The following ZNF407 variants were observed in gnomAD, a reference collection of about 807,000 sequenced individuals.
The protein encoded by ZNF407 is zinc finger protein 407.
Under a neutral mutation model 131.2 loss-of-function variants are expected in ZNF407, and 17 were observed. The ratio of observed to expected loss-of-function variants is 0.13; its 90% CI spans 0.09 to 0.19. The LOEUF (loss-of-function observed/expected upper bound fraction) is 0.19. Among genes scored for constraint, ZNF407 ranks in the 10% least tolerant of loss-of-function variants. The pLI is 1.00. For synonymous variants in ZNF407, 1,156 were observed against 1,062.0 expected (o/e 1.09, Z -1.72); for missense variants, 2,681 against 2,830.6 (o/e 0.95, Z 1.20).
Position 74,678,669 on chromosome 18 carries a change from T to C in ZNF407, c.4802+37547T>C, listed in dbSNP as rs531970797. On this transcript the variant is annotated intron_variant, in intron 3 of 8. Transcript: ENST00000299687. ...TTTTAAATAGTTTCTTCAGTGTTTC[T>C]AGCTGTCCTCAGCACGAGGGTTGGT... is the stretch of plus-strand genomic sequence containing the variant. 3.3e-5 allele frequency among the ~76,000 whole-genome samples: 5 copies of C among 152,358 alleles called. No homozygotes were observed. The East Asian group carries it at 9.6e-4, about 29-fold the overall frequency.
At chr18:74,918,996 T>C (rs1315664740) in intron 7 of ZNF407, among the ~76,000 whole-genome samples, 2 of 152,164 alleles carry the variant, frequency 1.3e-5, no homozygotes, top group Non-Finnish European at 2.9e-5. Flanking sequence ...TGGATGCAGG[T>C]ACGAGAACTC....
intron 8 of ZNF407, among the ~76,000 whole-genome samples, chr18:74,922,950 T>G (rs1472616507): frequency 6.6e-6 from 1 of 152,216 alleles, no homozygotes; most frequent in Non-Finnish European, 1.5e-5. Context: ...GGGATAGTGA[T>G]GCCTACCACA....
chr18:74,758,988 T>G (rs1353022878), intron 3 of ZNF407, among the ~76,000 whole-genome samples: 1 of 152,240 alleles, frequency 6.6e-6, no homozygotes, highest in Non-Finnish European at 1.5e-5. Flanking sequence ...AATTTCCATT[T>G]AAAGAACTGC....
intron 8 of ZNF407, among the ~76,000 whole-genome samples, chr18:74,996,115 A>C (rs964700482): frequency 1.3e-5 from 2 of 152,242 alleles, no homozygotes; most frequent in African/African-American, 4.8e-5. Context: ...CAAATTGAAT[A>C]GTAGGATTTT....
intron 4 of ZNF407, among the ~76,000 whole-genome samples, chr18:74,839,159 A>G (rs1031507977): frequency 6.6e-6 from 1 of 152,216 alleles, no homozygotes; most frequent in Non-Finnish European, 1.5e-5. Flanking sequence ...TTGGACTTTA[A>G]TATTGTATTT....
chr18:74,831,472 T>C (rs1210611886), intron 4 of ZNF407, among the ~76,000 whole-genome samples: 1 of 152,174 alleles, frequency 6.6e-6, no homozygotes, highest in East Asian at 1.9e-4. Context: ...GTGTCTATGA[T>C]TTTGACAATT....
intron 4 of ZNF407, among the ~76,000 whole-genome samples, chr18:74,822,665 T>C (rs1970357060): frequency 6.6e-6 from 1 of 152,210 alleles, no homozygotes; most frequent in Non-Finnish European, 1.5e-5. Flanking sequence ...TTGGTTAGTG[T>C]AGCCTTGTAG....
chr18:74,820,997 A>G lies in ZNF407; in HGVS notation c.4877+39495A>G, dbSNP rs79181711. Among the ~76,000 whole-genome samples the G allele has an allele frequency of 3.1e-3, 466 of 152,182 alleles. 4 individuals carry two copies. The highest frequency in any genetic ancestry group is 0.02 in the South Asian group (94 of 4,812). ...GGCAGAAGGCTAAGAATGCTTATGC[A>G]TGTGTGTTCTTTCTCAACCCCTGAT... On this transcript the variant is annotated intron_variant, in intron 4 of 8. Transcript: ENST00000299687.
intron 8 of ZNF407, among the ~76,000 whole-genome samples, chr18:74,991,491 C>G (rs1186442073): frequency 2.0e-5 from 3 of 152,122 alleles, no homozygotes; most frequent in African/African-American, 7.2e-5. Context: ...GAAGAGAAGG[C>G]AAGTCTTGTG....
intron 4 of ZNF407, among the ~76,000 whole-genome samples, chr18:74,806,904 A>C (rs938081663): frequency 2.6e-5 from 4 of 152,196 alleles, no homozygotes; most frequent in Non-Finnish European, 4.4e-5. Flanking sequence ...ATTTAGCAAA[A>C]ATTTTCTCAG....
intron 6 of ZNF407, among the ~76,000 whole-genome samples, chr18:74,883,191 A>G (rs1272180023): frequency 6.6e-6 from 1 of 152,224 alleles, no homozygotes; most frequent in Non-Finnish European, 1.5e-5. Flanking sequence ...TTTGGCATTT[A>G]TCTGCCTCTG....
At chr18:74,721,009 T>G (rs1315831056) in intron 3 of ZNF407, among the ~76,000 whole-genome samples, 1 of 151,902 alleles carries the variant, frequency 6.6e-6, no homozygotes, top group Admixed American at 6.6e-5. Flanking sequence ...TTTTCAGAGT[T>G]TTTTTTTCTA....
chr18:74,739,083 GT>G lies in ZNF407; in HGVS notation c.4803-42338del, dbSNP rs796095935. On this transcript the variant is annotated intron_variant, in intron 3 of 8. Transcript: ENST00000299687. Reference sequence around the variant, plus strand: ...AATTTTTTCATGCCACAACATGTATGTTTTTTTCTGATTAATATTTCATACG... The same window carrying G: ...AATTTTTTCATGCCACAACATGTATGTTTTTTCTGATTAATATTTCATACG... Among the ~76,000 whole-genome samples the G allele has an allele frequency of 3.4e-4, 52 of 151,558 alleles. No individual in the cohort carries two copies. The South Asian group carries it at 6.9e-3, about 20-fold the overall frequency.
At chr18:75,002,337 C>T (rs539896505) in intron 8 of ZNF407, among the ~76,000 whole-genome samples, 113 of 152,310 alleles carry the variant, frequency 7.4e-4, no homozygotes, top group Non-Finnish European at 1.0e-3. Context: ...TCCCCTCTCC[C>T]TCGCTAGGAG....
At chr18:74,802,625 C>T (rs1443329040) in intron 4 of ZNF407, among the ~76,000 whole-genome samples, 3 of 152,128 alleles carry the variant, frequency 2.0e-5, no homozygotes, top group Non-Finnish European at 4.4e-5. Context: ...TTCTCTTACT[C>T]TTCCTTTTTG....
rs149653768 is a variant in ZNF407, at chr18:74,968,827, G to C, written c.5428+48135G>C. On this transcript the variant is annotated intron_variant, in intron 8 of 8. Transcript: ENST00000299687. ...TGGCAGGTATTTGTCGTTCACCAAA[G>C]TTGGGAGGTTTGCAGCCTTTAAATA... Among the ~76,000 whole-genome samples, 18 of 152,308 alleles carry C rather than the reference G, an allele frequency of 1.2e-4. No individual in the cohort carries two copies. In the East Asian group the frequency reaches 3.3e-3, roughly 28 times the overall value.
At chr18:74,866,777 G>A (rs1409541577) in intron 4 of ZNF407, among the ~76,000 whole-genome samples, 1 of 148,416 alleles carries the variant, frequency 6.7e-6, no homozygotes, top group Admixed American at 6.7e-5. Flanking sequence ...TCATTTTATT[G>A]TATTCATTAT....
At position 74,926,802 on chromosome 18, in the gene ZNF407, C is replaced by A. The variant is rs576987845; in HGVS notation, c.5428+6110C>A. 4.6e-5 allele frequency among the ~76,000 whole-genome samples: 7 copies of A among 152,200 alleles called. No individual in the cohort carries two copies. In the East Asian group the frequency reaches 1.3e-3, roughly 29 times the overall value. ...GGGCGACAAGAGTGAAACTCTGTCT[C>A]AAGGTAAATAAATAAATACAAATAA... On this transcript the variant is annotated intron_variant, in intron 8 of 8. Coordinates refer to ENST00000299687, the MANE Select transcript of ZNF407 (RefSeq NM_017757.3).
intron 4 of ZNF407, among the ~76,000 whole-genome samples, chr18:74,822,582 T>G (rs1970355709): frequency 6.6e-6 from 1 of 152,136 alleles, no homozygotes; most frequent in Non-Finnish European, 1.5e-5. Context: ...TGTAGATGTG[T>G]GGTGTTATTT....
Sources: gnomAD v4.1 joint callset for allele counts (sites outside exome capture counted in the v4.1 genomes callset) on GRCh38, gnomAD v4.1.1 for gene constraint, MANE v1.5 for transcripts, NCBI Gene and HGNC (gene_info 2026-07-23, HGNC 2026-07-21) for gene names.